ITGA8: variants seen among roughly 807,000 people sequenced by gnomAD.
ITGA8 encodes the protein integrin subunit alpha 8.
Under a neutral mutation model 142.3 loss-of-function variants are expected in ITGA8, and 91 were observed. The observed-to-expected ratio is 0.64, with a 90% confidence interval of 0.54 to 0.76. The LOEUF is 0.76. Ranked by LOEUF, ITGA8 falls within the 30% of genes least tolerant of loss-of-function variation. The probability of loss-of-function intolerance (pLI) is 0.00; values close to 1 mark genes in which losing one functional copy is unlikely to be tolerated. For synonymous variants in ITGA8, 505 were observed against 485.2 expected, an observed-to-expected ratio of 1.04 and a Z score of -0.54; for missense variants, 1,406 against 1,327.7, an observed-to-expected ratio of 1.06 and a Z score of -0.92.
intron 29 of ITGA8, among the ~76,000 whole-genome samples, chr10:15,517,603 C>T (rs191476186): frequency 5.1e-4 from 78 of 152,350 alleles, no homozygotes; most frequent in Admixed American, 9.1e-4. Context: ...GGATTACAGG[C>T]GTGAGCCACC....
intron 27 of ITGA8, among the ~76,000 whole-genome samples, chr10:15,533,455 G>A (rs991046939): frequency 1.2e-4 from 18 of 152,142 alleles, no homozygotes; most frequent in African/African-American, 4.3e-4. Context: ...AAAATCATGT[G>A]TGTACCTGGT....
chr10:15,663,672 G>A (rs567198776), intron 8 of ITGA8, among the ~76,000 whole-genome samples: 1 of 151,868 alleles, frequency 6.6e-6, no homozygotes, highest in African/African-American at 2.4e-5. Context: ...AGGGTCAAGT[G>A]ATCCTCCTGC....
chr10:15,540,617 G>A (rs1195427657), intron 27 of ITGA8, among the ~76,000 whole-genome samples: 2 of 152,208 alleles, frequency 1.3e-5, no homozygotes, highest in African/African-American at 4.8e-5. Flanking sequence ...TATTTGGGAG[G>A]AAAGCCAAAT....
Position 15,516,948 on chromosome 10 carries a change from C to T in ITGA8, c.*210G>A. On this transcript the variant is annotated 3_prime_UTR_variant, in exon 30 of 30. Coordinates refer to ENST00000378076, the MANE Select transcript of ITGA8 (RefSeq NM_003638.3). The stretch of plus-strand genomic sequence containing the variant: ...CCACAATTGCTGATGGCTTCTCCAG[C>T]TTTGGTGTTTCCTTTTCCAACAGGG... 2.2e-6 allele frequency: 1 copy of T among 446,498 alleles called. No individual in the cohort carries two copies. Among genetic ancestry groups the T allele is most frequent in the Non-Finnish European group, 4.0e-6 (1 of 249,752 alleles). The allele number at this position is 446,498 out of a possible 1,614,324, so 27.7% of individuals were successfully genotyped here.
intron 2 of ITGA8, among the ~76,000 whole-genome samples, chr10:15,696,932 C>T (rs1388045306): frequency 6.6e-6 from 1 of 151,308 alleles, no homozygotes; most frequent in African/African-American, 2.4e-5. Context: ...TCAGTTGAGC[C>T]TGAGAGGTAG....
chr10:15,558,334 T>A, intron 25 of ITGA8, 132 bp from the exon 26 acceptor site: 1 of 997,956 alleles, frequency 1.0e-6, no homozygotes, highest in East Asian at 2.6e-5. Flanking sequence ...GACCTGTGAT[T>A]ACCAGCAGTG....
intron 8 of ITGA8, among the ~76,000 whole-genome samples, chr10:15,665,676 C>G (rs1325446098): frequency 6.6e-6 from 1 of 152,174 alleles, no homozygotes; most frequent in Non-Finnish European, 1.5e-5. Context: ...TTTAATCCAT[C>G]TTGAATTAAT....
rs769686045 is a variant in ITGA8, at chr10:15,548,443, G to T, written c.2880+12C>A. The T allele has an allele frequency of 3.2e-6, 5 of 1,584,592 alleles. No individual in the cohort carries two copies. Among genetic ancestry groups the T allele is most frequent in the Non-Finnish European group, 4.3e-6 (5 of 1,156,262 alleles). ...TGAGCAGTGTGTATGTGCTTCTGTG[G>T]TTGTTTATTACCTGGAGGAAGGTGT... is the stretch of plus-strand genomic sequence containing the variant. On this transcript the variant is annotated intron_variant, in intron 27 of 29. Coordinates refer to ENST00000378076, the MANE Select transcript of ITGA8 (RefSeq NM_003638.3).
At chr10:15,600,227 A>C (rs1222933889) in intron 20 of ITGA8, among the ~76,000 whole-genome samples, 1 of 152,174 alleles carries the variant, frequency 6.6e-6, no homozygotes, top group Middle Eastern at 3.2e-3. Flanking sequence ...CATCATTTAC[A>C]TTAGGTATAT....
At chr10:15,650,440 G>T (rs1173439637) in intron 11 of ITGA8, among the ~76,000 whole-genome samples, 3 of 152,270 alleles carry the variant, frequency 2.0e-5, no homozygotes, top group African/African-American at 4.8e-5. Flanking sequence ...GCCCCAAAAT[G>T]GGACTTGTGG....
At chr10:15,603,074 G>A (rs1833131708) in intron 20 of ITGA8, among the ~76,000 whole-genome samples, 1 of 151,380 alleles carries the variant, frequency 6.6e-6, no homozygotes, top group South Asian at 2.1e-4. Context: ...AGATACTCAA[G>A]GATTTTAAAT....
chr10:15,531,281 T>C (rs1428132166), intron 27 of ITGA8, 130 bp from the exon 28 acceptor site: 3 of 490,008 alleles, frequency 6.1e-6, no homozygotes, highest in Non-Finnish European at 1.0e-5. Context: ...TAATTTTCTC[T>C]CTTTTAACTT....
intron 9 of ITGA8, 58 bp downstream of exon 9, chr10:15,660,821 T>C (rs1834270635): frequency 5.9e-6 from 8 of 1,357,916 alleles, no homozygotes; most frequent in Non-Finnish European, 8.4e-6. Flanking sequence ...TGTAATTCCA[T>C]CAAGGAGCAC....
chr10:15,635,003 CTTT>C (rs915334219), intron 13 of ITGA8, among the ~76,000 whole-genome samples: 1 of 107,234 alleles, frequency 9.3e-6, no homozygotes, highest in South Asian at 3.2e-4. Context: ...TTCTTTCTTT[CTTT>C]TTTTTTTTTT....
rs538797510 is a variant in ITGA8 at position 15,632,782 on chromosome 10, G to C, written c.1399+11248C>G. Among the ~76,000 whole-genome samples the C allele has an allele frequency of 2.0e-3, 297 of 151,858 alleles. 1 individual carries two copies. The highest frequency in any genetic ancestry group is 7.0e-3 in the African/African-American group (289 of 41,378). On this transcript the variant is annotated intron_variant, in intron 13 of 29. Coordinates refer to ENST00000378076, the MANE Select transcript of ITGA8 (RefSeq NM_003638.3). ...GTTAACCAATTTTTAACACACCTCT[G>C]AATATAAAGGCCTATTTCAAGGTTA...
rs528700348 is a variant in ITGA8 at position 15,558,018 on chromosome 10, G to A, written c.2766+56C>T. On this transcript the variant is annotated intron_variant, in intron 26 of 29. Coordinates refer to ENST00000378076, the MANE Select transcript of ITGA8 (RefSeq NM_003638.3). ...TGAAGTTAAAACTATCTGTATTTGA[G>A]GGTTCTATCCAAGCCACTCATTTCC... 12 of 1,598,260 alleles carry A rather than the reference G, an allele frequency of 7.5e-6. No individual in the cohort carries two copies. In the African/African-American group the frequency reaches 1.5e-4, roughly 20 times the overall value.
chr10:15,639,236 T>A (rs1052133282), intron 13 of ITGA8, among the ~76,000 whole-genome samples: 1 of 151,992 alleles, frequency 6.6e-6, no homozygotes, highest in Admixed American at 6.5e-5. Flanking sequence ...CAGCGGCTGG[T>A]GGGTTTGACA....
chr10:15,677,372 T>G (rs567676388), intron 6 of ITGA8, among the ~76,000 whole-genome samples: 1 of 152,308 alleles, frequency 6.6e-6, no homozygotes, highest in Non-Finnish European at 1.5e-5. Context: ...ATCATAAGCA[T>G]GTATGAAAAT....
At chr10:15,677,073 A>G (rs896662344) in intron 6 of ITGA8, among the ~76,000 whole-genome samples, 2 of 152,208 alleles carry the variant, frequency 1.3e-5, no homozygotes, top group Admixed American at 6.5e-5. Context: ...TCACTCATAC[A>G]TGGAAGCTAA....
Sources: allele counts gnomAD v4.1 joint callset (sites outside exome capture counted in the v4.1 genomes callset), GRCh38; gene constraint gnomAD v4.1.1; transcripts MANE v1.5; gene names NCBI Gene and HGNC (gene_info 2026-07-23, HGNC 2026-07-21).